The following EIF2B3 variants were observed in gnomAD, a reference collection of about 807,000 sequenced individuals.
EIF2B3 encodes eukaryotic translation initiation factor 2B subunit gamma, also known as translation initiation factor eIF2B subunit gamma.
In EIF2B3, 20 loss-of-function variants were observed where a neutral mutation model predicts 54.1. The observed-to-expected ratio is 0.37, with a 90% confidence interval of 0.26 to 0.54. EIF2B3 has a LOEUF of 0.54. EIF2B3 is among the 20% of genes least tolerant of loss of function. The probability of loss-of-function intolerance (pLI) is 0.86; values close to 1 mark genes in which losing one functional copy is unlikely to be tolerated. For synonymous variants in EIF2B3, 153 were observed against 188.1 expected (o/e 0.81, Z 1.52); for missense variants, 448 against 547.8 (o/e 0.82, Z 1.82).
intron 3 of EIF2B3, among the ~76,000 whole-genome samples, chr1:44,977,712 G>A: frequency 6.6e-6 from 1 of 152,134 alleles, no homozygotes; most frequent in Non-Finnish European, 1.5e-5. Flanking sequence ...TGATCCACCT[G>A]CCTTGGCCTC....
At chr1:44,897,861 C>T (rs1051090522) in intron 5 of EIF2B3, among the ~76,000 whole-genome samples, 16 of 151,566 alleles carry the variant, frequency 1.1e-4, no homozygotes, top group Non-Finnish European at 1.9e-4. Flanking sequence ...CTCAGCCTAC[C>T]GAGTAGCTGA....
chr1:44,968,884 A>T lies in EIF2B3; in HGVS notation c.294+9431T>A, dbSNP rs556352664. On this transcript the variant is annotated intron_variant, in intron 3 of 11. Transcript: ENST00000360403. Reference sequence around the variant, plus strand: ...GCACTCCAGCCTAGGTGACAAGAGCAAAACTCCATCTCAAAAAAAAAAAAA... The same window carrying T: ...GCACTCCAGCCTAGGTGACAAGAGCTAAACTCCATCTCAAAAAAAAAAAAA... Among the ~76,000 whole-genome samples, 205 of 129,414 alleles carry T rather than the reference A, an allele frequency of 1.6e-3. 1 individual carries two copies. Among genetic ancestry groups the T allele is most frequent in the Non-Finnish European group, 2.9e-3 (182 of 63,316 alleles). 84.9% of individuals were successfully genotyped at this position (129,414 alleles called of 152,430 possible).
chr1:44,889,851 T>C (rs939015714), intron 6 of EIF2B3, among the ~76,000 whole-genome samples: 5 of 152,144 alleles, frequency 3.3e-5, no homozygotes, highest in Non-Finnish European at 7.3e-5. Flanking sequence ...TAAAAGTGGA[T>C]ATTCAAGCTC....
At chr1:44,909,026 A>G (rs1297328890) in intron 5 of EIF2B3, among the ~76,000 whole-genome samples, 1 of 152,160 alleles carries the variant, frequency 6.6e-6, no homozygotes, top group African/African-American at 2.4e-5. Context: ...CTAAGATAGG[A>G]GCCATGAATT....
At chr1:44,974,335 TG>T (rs1420513538) in intron 3 of EIF2B3, among the ~76,000 whole-genome samples, 2 of 151,456 alleles carry the variant, frequency 1.3e-5, no homozygotes, top group Admixed American at 6.6e-5. Flanking sequence ...AGTCCAGGTG[TG>T]GTGGTGCATG....
rs981018698 is a variant in EIF2B3, at chr1:44,949,771, C to A, written c.295-8106G>T. Among the ~76,000 whole-genome samples, 4 of 152,184 alleles carry A rather than the reference C, an allele frequency of 2.6e-5. No individual in the cohort carries two copies. The South Asian group carries it at 8.3e-4, about 32-fold the overall frequency. On this transcript the variant is annotated intron_variant, in intron 3 of 11. Coordinates refer to ENST00000360403, the MANE Select transcript of EIF2B3 (RefSeq NM_020365.5). The stretch of plus-strand genomic sequence containing the variant: ...AATGATGATATGCTTGCTAGATTTA[C>A]AACTTAAAATGAAGGCTCAACATTT...
chr1:44,963,385 T>C (rs1644305816), intron 3 of EIF2B3, among the ~76,000 whole-genome samples: 1 of 151,304 alleles, frequency 6.6e-6, no homozygotes, highest in South Asian at 2.1e-4. Flanking sequence ...TCCTCCCACC[T>C]CAGCCTCTTG....
intron 8 of EIF2B3, 83 bp from the exon 9 acceptor site, chr1:44,875,778 T>G (rs1655107990): frequency 4.7e-6 from 5 of 1,063,478 alleles, no homozygotes; most frequent in Non-Finnish European, 7.2e-6. Flanking sequence ...CCTCTCCCAC[T>G]CCCCCTCCCC....
chr1:44,874,899 G>A, intron 9 of EIF2B3, 73 bp from the exon 10 acceptor site: 1 of 1,571,046 alleles, frequency 6.4e-7, no homozygotes, highest in Non-Finnish European at 8.7e-7. Flanking sequence ...GATCCCTCAA[G>A]CTGGGATCTA....
chr1:44,871,874 C>CTTTTTTTTTT (rs71040515), intron 10 of EIF2B3, among the ~76,000 whole-genome samples: 1 of 118,912 alleles, frequency 8.4e-6, no homozygotes. Context: ...ACTTCACAAT[C>CTTTTTTTTTT]TTTTTTTTTT....
chr1:44,910,914 C>T (rs897875260), intron 5 of EIF2B3, among the ~76,000 whole-genome samples: 1 of 151,764 alleles, frequency 6.6e-6, no homozygotes, highest in African/African-American at 2.4e-5. Flanking sequence ...GTAAGTTCTT[C>T]AGTGGTAATC....
chr1:44,910,183 C>T (rs1270330974), intron 5 of EIF2B3, among the ~76,000 whole-genome samples: 2 of 152,108 alleles, frequency 1.3e-5, no homozygotes, highest in South Asian at 2.1e-4. Flanking sequence ...CTATTAAAAA[C>T]ATATGTCTGT....
chr1:44,902,277 GATATTCTGTGTTCTTTGT>G (rs1286877463), intron 5 of EIF2B3, among the ~76,000 whole-genome samples: 3 of 152,010 alleles, frequency 2.0e-5, no homozygotes, highest in Non-Finnish European at 4.4e-5. Context: ...CATTGTTCTG[GATATTCTGTGTTCTTTGT>G]ATTTCCATAT....
intron 5 of EIF2B3, among the ~76,000 whole-genome samples, chr1:44,924,006 T>TGTACTCA (rs1212730047): frequency 4.7e-5 from 7 of 148,330 alleles, no homozygotes; most frequent in African/African-American, 7.6e-5. Context: ...AGCGGTGCAA[T>TGTACTCA]CTCGGCTCAC....
intron 3 of EIF2B3, among the ~76,000 whole-genome samples, chr1:44,963,872 C>G (rs1358142435): frequency 6.6e-6 from 1 of 152,092 alleles, no homozygotes; most frequent in African/African-American, 2.4e-5. Context: ...TCCCTCTACC[C>G]TATAGCCCTT....
intron 6 of EIF2B3, among the ~76,000 whole-genome samples, chr1:44,892,755 A>C (rs964711389): frequency 1.3e-5 from 2 of 152,246 alleles, no homozygotes; most frequent in Non-Finnish European, 2.9e-5. Context: ...CTGCATCTTC[A>C]GATATCAGTA....
At chr1:44,945,438 C>G (rs1448598141) in intron 3 of EIF2B3, among the ~76,000 whole-genome samples, 1 of 151,690 alleles carries the variant, frequency 6.6e-6, no homozygotes, top group African/African-American at 2.4e-5. Flanking sequence ...CCTGTAGTCC[C>G]AGCTACTCGG....
chr1:44,878,494 C>T (rs547273849), intron 8 of EIF2B3, among the ~76,000 whole-genome samples: 1 of 152,210 alleles, frequency 6.6e-6, no homozygotes, highest in Non-Finnish European at 1.5e-5. Context: ...AACTCCTGAC[C>T]TCAGGCGATC....
chr1:44,888,001 C>G (rs955697349), intron 6 of EIF2B3, among the ~76,000 whole-genome samples: 2 of 152,180 alleles, frequency 1.3e-5, no homozygotes, highest in Non-Finnish European at 2.9e-5. Flanking sequence ...CCAAAAGAAA[C>G]AGTCTGCAGC....
Sources: allele counts gnomAD v4.1 joint callset (sites outside exome capture counted in the v4.1 genomes callset), GRCh38; gene constraint gnomAD v4.1.1; transcripts MANE v1.5; gene names NCBI Gene and HGNC (gene_info 2026-07-23, HGNC 2026-07-21).